The following IGSF10 variants were observed in gnomAD, a reference collection of about 807,000 sequenced individuals.
The protein encoded by IGSF10 is calvaria mechanical force protein 608.
A neutral mutation model predicts 128.2 loss-of-function variants in IGSF10; 126 were observed. The observed-to-expected ratio is 0.98, with a 90% CI of 0.85 to 1.14. IGSF10 has a LOEUF of 1.14. IGSF10 is among the 50% of genes most tolerant of loss of function. The probability of loss-of-function intolerance (pLI) is 0.00; values close to 1 mark genes in which losing one functional copy is unlikely to be tolerated. For missense variants in IGSF10, 3,295 were observed against 3,149.8 expected, an observed-to-expected ratio of 1.05 and a Z score of -1.10; for synonymous variants, 1,185 against 1,146.2, an observed-to-expected ratio of 1.03 and a Z score of -0.68.
chr3:151,549,885 G>A, the IGSF10 span, among the ~76,000 whole-genome samples: 9 of 151,934 alleles, frequency 5.9e-5, no homozygotes, highest in East Asian at 7.7e-4. Context: ...AATTTTTAAC[G>A]TTATAATTTC....
intron 3 of IGSF10, 28 bp downstream of exon 3, chr3:151,458,488 A>T (rs189724585): frequency 6.5e-7 from 1 of 1,546,816 alleles, no homozygotes; most frequent in African/African-American, 1.4e-5. Context: ...TCCCTCTTTG[A>T]GAAGAGGAAA....
chr3:151,443,757 G>A lies in IGSF10; in HGVS notation c.5190C>T (p.Gly1730=), dbSNP rs1560174727. 4 of 1,614,176 alleles carry A rather than the reference G, an allele frequency of 2.5e-6. No individual in the cohort carries two copies. The highest frequency in any genetic ancestry group is 3.4e-6 in the Non-Finnish European group (4 of 1,180,038). Residue 1730 remains glycine (G), a synonymous_variant, in exon 7 of 8, where the codon GGC becomes GGT. Coordinates refer to ENST00000282466, the MANE Select transcript of IGSF10 (RefSeq NM_178822.5). The stretch of plus-strand genomic sequence containing the variant: ...ACAAGGTGACATGAAGGTGGTCTGT[G>A]CCAAACAGATTGGATGCGGAACACA... ...QYLCSASNLF[G]TDHLHVTLSV...
At chr3:151,495,522 G>C in the IGSF10 span, among the ~76,000 whole-genome samples, 1 of 151,932 alleles carries the variant, frequency 6.6e-6, no homozygotes, top group Non-Finnish European at 1.5e-5. Flanking sequence ...GACAACATTA[G>C]AGATAAAGTG....
intron 4 of IGSF10, among the ~76,000 whole-genome samples, chr3:151,455,752 T>C (rs1721763752): frequency 6.6e-6 from 1 of 152,238 alleles, no homozygotes; most frequent in African/African-American, 2.4e-5. Flanking sequence ...TTTTTGGTTA[T>C]GAGTAATATG....
the IGSF10 span, among the ~76,000 whole-genome samples, chr3:151,557,372 T>C: frequency 1.3e-5 from 2 of 152,138 alleles, no homozygotes; most frequent in African/African-American, 4.8e-5. Context: ...CCAACTCCAG[T>C]CTTCCTTCCT....
chr3:151,436,812 C>G lies in IGSF10; in HGVS notation c.7749G>C (p.Gln2583His), dbSNP rs1262364004. 15 of 1,613,804 alleles carry G rather than the reference C, an allele frequency of 9.3e-6. No homozygotes were observed. Among genetic ancestry groups the G allele is most frequent in the Non-Finnish European group, 1.2e-5 (14 of 1,179,806 alleles). Residue 2583 changes from glutamine to histidine, a missense_variant, in exon 8 of 8, where the codon CAG (glutamine) becomes CAC (histidine). Physicochemically the swap from Gln to His is conservative, Grantham distance 24. Transcript: ENST00000282466. ...TGACTAGGGTACCTTGTAAGTGAAG[C>G]TGCTCACTTCCATGTGTCCTCTCTT... ...ASKERTHGSEQLHLQGTLVIQ... is the reference protein window; with the variant it reads ...ASKERTHGSEHLHLQGTLVIQ...
intron 4 of IGSF10, among the ~76,000 whole-genome samples, chr3:151,456,745 A>G (rs552142537): frequency 4.1e-4 from 62 of 152,346 alleles, no homozygotes; most frequent in Non-Finnish European, 7.8e-4. Context: ...CATGACTAGA[A>G]GTGTCCTTTT....
downstream of IGSF10, chr3:151,434,468 C>G (rs1719870874): frequency 2.0e-5 from 3 of 152,102 alleles, no homozygotes; most frequent in Admixed American, 2.0e-4. Context: ...AAGACTTTGC[C>G]AAAACATTAA....
the IGSF10 span, among the ~76,000 whole-genome samples, chr3:151,528,478 A>C: frequency 2.6e-5 from 4 of 152,196 alleles, no homozygotes; most frequent in Admixed American, 2.6e-4. Flanking sequence ...AAGGCAGGTG[A>C]TTTCTGCATT....
upstream of IGSF10, among the ~76,000 whole-genome samples, chr3:151,464,090 T>C (rs1182420334): frequency 6.6e-6 from 1 of 152,226 alleles, no homozygotes; most frequent in Non-Finnish European, 1.5e-5. Context: ...ATTGAGTGTA[T>C]AATTTGCCAA....
the IGSF10 span, among the ~76,000 whole-genome samples, chr3:151,496,071 A>T: frequency 0.86 from 130,325 of 152,108 alleles, 56,054 homozygotes; most frequent in Middle Eastern, 0.95. Context: ...GTTGAATATA[A>T]GGCCTTTCTA....
Position 151,443,800 on chromosome 3 carries a change from T to C in IGSF10, c.5147A>G (p.Gln1716Arg), listed in dbSNP as rs1372615209. 1 of 1,614,034 alleles carries C rather than the reference T, an allele frequency of 6.2e-7. No individual in the cohort carries two copies. The highest frequency in any genetic ancestry group is 8.5e-7 in the Non-Finnish European group (1 of 1,180,016). Residue 1716 changes from glutamine to arginine, a missense_variant, in exon 7 of 8, where the codon CAG (glutamine) becomes CGG (arginine). By Grantham distance (43) the Gln-to-Arg change is conservative. Coordinates refer to ENST00000282466, the MANE Select transcript of IGSF10 (RefSeq NM_178822.5). ...GGAACACAAGTACTGTCCGCGGTCC[T>C]GAATTTCCACCCTCTGGATGGACAG... ...GTLSIQRVEI[Q>R]DRGQYLCSAS...
At chr3:151,603,708 G>T in the IGSF10 span, among the ~76,000 whole-genome samples, 34 of 152,314 alleles carry the variant, frequency 2.2e-4, no homozygotes, top group African/African-American at 7.7e-4. Context: ...AGAGCTGATG[G>T]TTACTTTCAA....
chr3:151,578,225 C>T, the IGSF10 span, among the ~76,000 whole-genome samples: 2 of 152,038 alleles, frequency 1.3e-5, no homozygotes. Context: ...TTCCTAGAGC[C>T]TAACTGTAGG....
chr3:151,502,176 TA>T, the IGSF10 span, among the ~76,000 whole-genome samples: 1 of 152,124 alleles, frequency 6.6e-6, no homozygotes, highest in Non-Finnish European at 1.5e-5. Flanking sequence ...CTGCTTTTCT[TA>T]TCTGCAAAGT....
Position 151,436,243 on chromosome 3 carries a change from A to ATATT in IGSF10, c.*442_*445dup, listed in dbSNP as rs1195473187. On this transcript the variant is annotated 3_prime_UTR_variant, in exon 8 of 8. Transcript: ENST00000282466. ...AGCAAAAAAATTTATAAACCACAAA[A>ATATT]TATTTATACATCAGGATGGTAAATT... The ATATT allele has an allele frequency of 2.6e-5, 4 of 154,266 alleles. No individual in the cohort carries two copies. Among genetic ancestry groups the ATATT allele is most frequent in the African/African-American group, 9.7e-5 (4 of 41,424 alleles). 9.6% of individuals were successfully genotyped at this position (154,266 alleles called of 1,614,324 possible). A position where few individuals can be genotyped will look rare whatever the true frequency, so the allele number is the denominator to read the frequency against.
the IGSF10 span, among the ~76,000 whole-genome samples, chr3:151,502,295 A>G: frequency 6.6e-6 from 1 of 152,028 alleles, no homozygotes; most frequent in African/African-American, 2.4e-5. Context: ...AAATCTTAAC[A>G]TTTTGTAAGT....
the IGSF10 span, among the ~76,000 whole-genome samples, chr3:151,601,436 C>G: frequency 6.6e-6 from 1 of 152,290 alleles, no homozygotes; most frequent in African/African-American, 2.4e-5. Flanking sequence ...TACACACGCA[C>G]ACACACATGC....
the IGSF10 span, among the ~76,000 whole-genome samples, chr3:151,560,248 G>A: frequency 3.3e-5 from 5 of 152,056 alleles, no homozygotes; most frequent in Non-Finnish European, 5.9e-5. Flanking sequence ...GAAGAAAGCT[G>A]TTCCTATGAC....
Sources: allele counts gnomAD v4.1 joint callset (sites outside exome capture counted in the v4.1 genomes callset), GRCh38; gene constraint gnomAD v4.1.1; transcripts MANE v1.5; gene names NCBI Gene and HGNC (gene_info 2026-07-23, HGNC 2026-07-21).